Variants in MAOB observed in about 807,000 individuals in gnomAD.
MAOB encodes monoamine oxidase B.
A neutral mutation model predicts 41.9 loss-of-function variants in MAOB; 15 were observed. The ratio of observed to expected loss-of-function variants is 0.36; its 90% CI spans 0.24 to 0.55. The LOEUF (loss-of-function observed/expected upper bound fraction) is 0.55. MAOB is among the 20% of genes least tolerant of loss of function. The pLI is 0.86. For missense variants in MAOB, 345 were observed against 398.7 expected (o/e 0.87, Z 1.15); for synonymous variants, 167 against 144.2 (o/e 1.16, Z -1.13).
intron 1 of MAOB, among the ~76,000 whole-genome samples, chrX:43,846,166 G>T (rs1197715356): frequency 8.9e-6 from 1 of 112,584 alleles, no homozygotes; most frequent in Non-Finnish European, 1.9e-5. Flanking sequence ...ATAACATGCA[G>T]CCATAGTAAC....
chrX:43,768,168 T>C (rs905348765), intron 14 of MAOB, among the ~76,000 whole-genome samples: 40 of 112,126 alleles, frequency 3.6e-4, no homozygotes, highest in African/African-American at 1.1e-3. Context: ...CTAACCTCTA[T>C]GCATCCCTCC....
intron 1 of MAOB, among the ~76,000 whole-genome samples, chrX:43,860,228 T>C (rs1406096318): frequency 8.9e-6 from 1 of 112,088 alleles, no homozygotes; most frequent in Non-Finnish European, 1.9e-5. Flanking sequence ...TATTCACAGG[T>C]GATCTCAACC....
At chrX:43,857,166 AGAAGAGAGAGAG>A (rs1569230977) in intron 1 of MAOB, among the ~76,000 whole-genome samples, 8 of 31,016 alleles carry the variant, frequency 2.6e-4, no homozygotes, top group Non-Finnish European at 4.1e-4. Context: ...GAGAGAGAGA[AGAAGAGAGAGAG>A]AGAGAGAGAG....
intron 3 of MAOB, among the ~76,000 whole-genome samples, chrX:43,824,200 G>A (rs1372894103): frequency 2.7e-5 from 3 of 112,659 alleles, no homozygotes; most frequent in Non-Finnish European, 5.6e-5. Context: ...ACCAATTGAT[G>A]AGATGAAGTA....
In MAOB at chrX:43,798,355, T is replaced by G; in HGVS notation, c.477-1089A>C. On this transcript the variant is annotated intron_variant, in intron 5 of 14. Coordinates refer to ENST00000378069, the MANE Select transcript of MAOB (RefSeq NM_000898.5). ...AGAAATATCAGTTAAACAAAATTTT[T>G]TAAACATCCATAACATGCAAAGGAT... 1.8e-5 allele frequency among the ~76,000 whole-genome samples: 2 copies of G among 112,476 alleles called. 1 individual carries two copies. Among genetic ancestry groups the G allele is most frequent in the Middle Eastern group, 9.2e-3 (2 of 217 alleles).
At chrX:43,791,217 A>G (rs891555302) in intron 8 of MAOB, among the ~76,000 whole-genome samples, 2 of 111,800 alleles carry the variant, frequency 1.8e-5, no homozygotes, top group Non-Finnish European at 3.8e-5. Flanking sequence ...CCTGTGATGC[A>G]GCGGAAAAAG....
At chrX:43,856,850 G>C (rs2035291855) in intron 1 of MAOB, among the ~76,000 whole-genome samples, 1 of 108,227 alleles carries the variant, frequency 9.2e-6, no homozygotes, top group African/African-American at 3.4e-5. Context: ...GACAGAGACA[G>C]AGAAAATCCA....
chrX:43,817,920 C>A (rs948973607), intron 3 of MAOB, among the ~76,000 whole-genome samples: 2 of 112,239 alleles, frequency 1.8e-5, no homozygotes, highest in Non-Finnish European at 1.9e-5. Flanking sequence ...GAGTGCCTCT[C>A]CACGCTGGAA....
chrX:43,803,977 T>C (rs2034630503), intron 3 of MAOB, among the ~76,000 whole-genome samples: 1 of 111,481 alleles, frequency 9.0e-6, no homozygotes, highest in African/African-American at 3.3e-5. Flanking sequence ...ACTTCTCTTC[T>C]AGACATGTTA....
At chrX:43,772,261 G>T (rs1334081570) in intron 12 of MAOB, among the ~76,000 whole-genome samples, 1 of 111,516 alleles carries the variant, frequency 9.0e-6, no homozygotes, top group Non-Finnish European at 1.9e-5. Context: ...CCTAAAAATT[G>T]AAGGTAGTTA....
chrX:43,836,827 T>C (rs1399167280), intron 3 of MAOB, among the ~76,000 whole-genome samples: 1 of 112,637 alleles, frequency 8.9e-6, no homozygotes, highest in Non-Finnish European at 1.9e-5. Context: ...TATTGGCATA[T>C]GTATTTACCC....
At chrX:43,812,853 G>A (rs1215054650) in intron 3 of MAOB, among the ~76,000 whole-genome samples, 2 of 112,153 alleles carry the variant, frequency 1.8e-5, no homozygotes, top group Non-Finnish European at 3.8e-5. Context: ...TGAAAGGCCT[G>A]GGATTGTCCA....
intron 1 of MAOB, among the ~76,000 whole-genome samples, chrX:43,871,693 C>T (rs558334753): frequency 6.6e-4 from 71 of 108,059 alleles, no homozygotes; most frequent in African/African-American, 2.3e-3. Flanking sequence ...ACTGAATCAA[C>T]GAATGAACAA....
At chrX:43,873,926 C>A (rs1437434244) in intron 1 of MAOB, among the ~76,000 whole-genome samples, 1 of 111,596 alleles carries the variant, frequency 9.0e-6, no homozygotes, top group East Asian at 2.8e-4. Flanking sequence ...CCGCCCGCCT[C>A]GGCTTCCCAA....
chrX:43,869,856 G>A (rs2035389355), intron 1 of MAOB, among the ~76,000 whole-genome samples: 2 of 111,499 alleles, frequency 1.8e-5, no homozygotes, highest in Admixed American at 1.9e-4. Flanking sequence ...TATCTTTCTA[G>A]TTCACCTGCT....
At chrX:43,800,209 G>GA (rs1361925137) in intron 5 of MAOB, among the ~76,000 whole-genome samples, 2 of 111,001 alleles carry the variant, frequency 1.8e-5, no homozygotes, top group African/African-American at 3.3e-5. Flanking sequence ...GGCTACGATA[G>GA]AAAATGTCGG....
chrX:43,789,614 G>A (rs766815303), intron 8 of MAOB, among the ~76,000 whole-genome samples: 19 of 111,760 alleles, frequency 1.7e-4, no homozygotes, highest in African/African-American at 5.9e-4. Flanking sequence ...GTAGGATGGG[G>A]TGCTGACGGT....
chrX:43,865,107 T>C (rs1256887327), intron 1 of MAOB, among the ~76,000 whole-genome samples: 8 of 112,389 alleles, frequency 7.1e-5, no homozygotes, highest in Middle Eastern at 4.6e-3. Context: ...AGAATGTTCA[T>C]AGCAGCACTA....
At chrX:43,848,864 T>C (rs2035230213) in intron 1 of MAOB, among the ~76,000 whole-genome samples, 1 of 111,901 alleles carries the variant, frequency 8.9e-6, no homozygotes, top group African/African-American at 3.3e-5. Flanking sequence ...CCTCATCACC[T>C]CTATCACTCT....
Sources: allele counts gnomAD v4.1 joint callset (sites outside exome capture counted in the v4.1 genomes callset), GRCh38; gene constraint gnomAD v4.1.1; transcripts MANE v1.5; gene names NCBI Gene and HGNC (gene_info 2026-07-23, HGNC 2026-07-21).